INTS6: variants seen among roughly 807,000 people sequenced by gnomAD.
INTS6 encodes the protein integrator complex subunit 6, also known as DEAD box protein.
Under a neutral mutation model 104.9 loss-of-function variants are expected in INTS6, and 16 were observed. The ratio of observed to expected loss-of-function variants is 0.15; its 90% CI spans 0.10 to 0.23. INTS6 has a LOEUF of 0.23. INTS6 is among the 10% of genes least tolerant of loss of function. The probability of loss-of-function intolerance (pLI) is 1.00; values close to 1 mark genes in which losing one functional copy is unlikely to be tolerated. For missense variants in INTS6, 584 were observed against 1,062.8 expected, an observed-to-expected ratio of 0.55 and a Z score of 6.26; for synonymous variants, 324 against 358.7, an observed-to-expected ratio of 0.90 and a Z score of 1.09.
At chr13:51,449,684 A>G (rs769318411) in intron 3 of INTS6, 124 of 985,060 alleles carry the variant, frequency 1.3e-4, no homozygotes, top group Non-Finnish European at 1.4e-4. Context: ...AACCTTAAGC[A>G]GTAAGACTGT....
intron 4 of INTS6, among the ~76,000 whole-genome samples, chr13:51,408,146 GTT>G (rs541254081): frequency 2.8e-5 from 4 of 141,024 alleles, no homozygotes; most frequent in Non-Finnish European, 1.6e-5. Context: ...ATTGAGATGG[GTT>G]TTTTTTTTTT....
downstream of INTS6, among the ~76,000 whole-genome samples, chr13:51,356,907 G>A (rs1466697263): frequency 2.0e-5 from 3 of 151,890 alleles, no homozygotes; most frequent in Non-Finnish European, 2.9e-5. Context: ...TATGAAGCTT[G>A]CATTCACATT....
chr13:51,417,303 A>G (rs1449019905), intron 4 of INTS6, among the ~76,000 whole-genome samples: 3 of 152,178 alleles, frequency 2.0e-5, no homozygotes, highest in African/African-American at 7.2e-5. Context: ...AGGAAGATTA[A>G]GCCTATGTTT....
chr13:51,359,187 G>A (rs757678651), downstream of INTS6, among the ~76,000 whole-genome samples: 1 of 151,996 alleles, frequency 6.6e-6, no homozygotes, highest in African/African-American at 2.4e-5. Context: ...AGTAGAAAAA[G>A]ACCAGGAGAA....
At chr13:51,342,186 A>C in the INTS6 span, among the ~76,000 whole-genome samples, 4 of 150,734 alleles carry the variant, frequency 2.7e-5, no homozygotes, top group Non-Finnish European at 5.9e-5. Flanking sequence ...AACAAAAAAA[A>C]AAAAAAAAAA....
intron 4 of INTS6, among the ~76,000 whole-genome samples, chr13:51,397,883 A>T (rs1056316717): frequency 3.3e-5 from 5 of 152,146 alleles, no homozygotes; most frequent in East Asian, 1.9e-4. Flanking sequence ...CAACGCAGAC[A>T]ATATAAAATG....
Position 51,362,392 on chromosome 13 carries a change from T to C in INTS6, c.*3360A>G, listed in dbSNP as rs921099493. 6.1e-6 allele frequency: 1 copy of C among 163,986 alleles called. No individual in the cohort carries two copies. Among genetic ancestry groups the C allele is most frequent in the Non-Finnish European group, 1.3e-5 (1 of 76,770 alleles). 10.2% of individuals were successfully genotyped at this position (163,986 alleles called of 1,614,324 possible). A position where few individuals can be genotyped will look rare whatever the true frequency, so the allele number is the denominator to read the frequency against. On this transcript the variant is annotated 3_prime_UTR_variant, in exon 18 of 18. Coordinates refer to ENST00000311234, the MANE Select transcript of INTS6 (RefSeq NM_012141.3). ...AAATGTTTGCCCTAGTACTTTTAAG[T>C]CCTACTACATAACCTTATGGTAATC...
At position 51,375,734 on chromosome 13, in the gene INTS6, GGTGTGTGTGT is replaced by G. The variant is rs71684515; in HGVS notation, c.1729+304_1729+313del. 4.0e-3 allele frequency among the ~76,000 whole-genome samples: 593 copies of G among 147,684 alleles called. 3 individuals carry two copies. The highest frequency in any genetic ancestry group is 0.013 in the African/African-American group (540 of 40,958). ...TTTTAAGTATACAGTTTGATAAGTG[GGTGTGTGTGT>G]GTGTGTGTGTGTGTGTGTGTGTGCG... On this transcript the variant is annotated intron_variant, in intron 13 of 17. Coordinates refer to ENST00000311234, the MANE Select transcript of INTS6 (RefSeq NM_012141.3).
At position 51,364,265 on chromosome 13, in the gene INTS6, T is replaced by C; in HGVS notation, c.*1487A>G. On this transcript the variant is annotated 3_prime_UTR_variant, in exon 18 of 18. Transcript: ENST00000311234. ...GTTTGTCTTCAGTATTGGGAGAGTTTCAAATCCCCTAGACTAAATGCATGT... is the reference window on the plus strand; with the variant it reads ...GTTTGTCTTCAGTATTGGGAGAGTTCCAAATCCCCTAGACTAAATGCATGT... 6.8e-7 allele frequency: 1 copy of C among 1,479,324 alleles called. No homozygotes were observed. The allele number at this position is 1,479,324 out of a possible 1,614,324, so 91.6% of individuals were successfully genotyped here.
the INTS6 span, chr13:51,341,047 C>T: frequency 1.3e-6 from 2 of 1,598,132 alleles, no homozygotes; most frequent in African/African-American, 1.3e-5. Context: ...TTCCAGCCTA[C>T]CCTGCATCTC....
chr13:51,351,751 C>G (rs1321073349), downstream of INTS6, among the ~76,000 whole-genome samples: 1 of 151,830 alleles, frequency 6.6e-6, no homozygotes, highest in Non-Finnish European at 1.5e-5. Flanking sequence ...TGTTTTTTTT[C>G]CAAGAACTTT....
chr13:51,421,008 A>G (rs1451399591), intron 4 of INTS6: 8 of 479,030 alleles, frequency 1.7e-5, no homozygotes, highest in African/African-American at 2.1e-5. Flanking sequence ...TTAATTACCA[A>G]TTGAACCTGG....
chr13:51,381,219 C>T (rs1281010572), intron 10 of INTS6, among the ~76,000 whole-genome samples: 2 of 152,178 alleles, frequency 1.3e-5, no homozygotes, highest in Non-Finnish European at 2.9e-5. Context: ...TTGGTGTCCA[C>T]AGGTGAGCCT....
intron 13 of INTS6, 148 bp downstream of exon 13, chr13:51,375,900 G>T: frequency 1.6e-6 from 1 of 630,254 alleles, no homozygotes; most frequent in Non-Finnish European, 2.5e-6. Flanking sequence ...AATCAGGGAT[G>T]ATTCACCTTT....
intron 11 of INTS6, 48 bp from the exon 12 acceptor site, chr13:51,378,502 AAATCAG>A: frequency 8.2e-7 from 1 of 1,220,488 alleles, no homozygotes; most frequent in Non-Finnish European, 1.2e-6. Flanking sequence ...CTAAATTAAT[AAATCAG>A]ATACTAATGG....
Position 51,362,739 on chromosome 13 carries a change from T to G in INTS6, c.*3013A>C, listed in dbSNP as rs1307133120. On this transcript the variant is annotated 3_prime_UTR_variant, in exon 18 of 18. Coordinates refer to ENST00000311234, the MANE Select transcript of INTS6 (RefSeq NM_012141.3). ...GTTAGAATGAAAATTATGCATAGTT[T>G]TACATAAATTGTTAAGGAAATACTG... is the stretch of plus-strand genomic sequence containing the variant. 1 of 152,456 alleles carries G rather than the reference T, an allele frequency of 6.6e-6. No homozygotes were observed. The highest frequency in any genetic ancestry group is 1.5e-5 in the Non-Finnish European group (1 of 67,926). 9.4% of individuals were successfully genotyped at this position (152,456 alleles called of 1,614,324 possible). A position where few individuals can be genotyped will look rare whatever the true frequency, so the allele number is the denominator to read the frequency against.
Position 51,452,941 on chromosome 13 carries a change from G to A in INTS6, c.-416C>T, listed in dbSNP as rs940142116. On this transcript the variant is annotated 5_prime_UTR_variant, in exon 1 of 18. Coordinates refer to ENST00000311234, the MANE Select transcript of INTS6 (RefSeq NM_012141.3). The surrounding 1 kb of genome is among the most constrained non-coding windows in gnomAD (Gnocchi z 4.2). ...CTGGCGAAGAGGGGAGTGGGCTGAG[G>A]GAAGATTGGCCCTGGGGCTGTTGGG... 5.7e-6 allele frequency: 6 copies of A among 1,059,058 alleles called. No homozygotes were observed. Among genetic ancestry groups the A allele is most frequent in the African/African-American group, 1.7e-5 (1 of 57,716 alleles). 65.6% of individuals were successfully genotyped at this position (1,059,058 alleles called of 1,614,324 possible). A position where few individuals can be genotyped will look rare whatever the true frequency, so the allele number is the denominator to read the frequency against.
chr13:51,341,661 T>C, the INTS6 span, among the ~76,000 whole-genome samples: 13 of 152,214 alleles, frequency 8.5e-5, no homozygotes, highest in Non-Finnish European at 1.6e-4. Flanking sequence ...TGGCAATGTT[T>C]CAGTTTCATT....
intron 4 of INTS6, among the ~76,000 whole-genome samples, chr13:51,429,253 A>G (rs1178246522): frequency 1.3e-5 from 2 of 152,198 alleles, no homozygotes; most frequent in African/African-American, 4.8e-5. Flanking sequence ...GCTTAATTAA[A>G]CCCTTATAAA....
Sources: allele counts gnomAD v4.1 joint callset (sites outside exome capture counted in the v4.1 genomes callset), GRCh38; gene constraint gnomAD v4.1.1; non-coding constraint Gnocchi (gnomAD v3.1); transcripts MANE v1.5; gene names NCBI Gene and HGNC (gene_info 2026-07-23, HGNC 2026-07-21).